Variants in PPEF1 observed in about 807,000 individuals in gnomAD.
PPEF1 encodes the protein serine/threonine-protein phosphatase with EF-hands 1.
Under a neutral mutation model 53.3 loss-of-function variants are expected in PPEF1, and 12 were observed. The ratio of observed to expected loss-of-function variants is 0.23; its 90% CI spans 0.14 to 0.36. The LOEUF (loss-of-function observed/expected upper bound fraction) is 0.36, where lower values mean the gene tolerates loss of function less well. Ranked by LOEUF, PPEF1 falls within the 10% of genes least tolerant of loss-of-function variation. The pLI is 1.00. For missense variants in PPEF1, 334 were observed against 490.4 expected (o/e 0.68, Z 3.01); for synonymous variants, 165 against 176.7 (o/e 0.93, Z 0.52).
At chrX:18,691,995 C>T (rs1929417997) in intron 4 of PPEF1, among the ~76,000 whole-genome samples, 2 of 111,965 alleles carry the variant, frequency 1.8e-5, no homozygotes, top group African/African-American at 6.5e-5. Flanking sequence ...TTTTCATTCT[C>T]TTTAATGTCT....
At chrX:18,795,558 A>G (rs1342730596) in intron 10 of PPEF1, among the ~76,000 whole-genome samples, 2 of 111,736 alleles carry the variant, frequency 1.8e-5, no homozygotes, top group Non-Finnish European at 3.8e-5. Context: ...CCTCTCATTC[A>G]TTCATCCATT....
chrX:18,706,400 A>G (rs780764538), upstream of PPEF1, among the ~76,000 whole-genome samples: 106 of 109,883 alleles, frequency 9.6e-4, 1 homozygote, highest in Admixed American at 7.6e-3. Context: ...ACTATAGAAC[A>G]CAAAGTTAGA....
At chrX:18,809,321 A>G (rs1052458951) in intron 12 of PPEF1, among the ~76,000 whole-genome samples, 9 of 110,436 alleles carry the variant, frequency 8.1e-5, no homozygotes, top group African/African-American at 2.6e-4. Context: ...TATAAACACT[A>G]TGTCAATAGT....
At chrX:18,777,532 T>C (rs2045992294) in intron 6 of PPEF1, among the ~76,000 whole-genome samples, 1 of 111,117 alleles carries the variant, frequency 9.0e-6, no homozygotes, top group Admixed American at 9.6e-5. Context: ...TTTTTTTTCC[T>C]CTTTTGAGAC....
intron 2 of PPEF1, among the ~76,000 whole-genome samples, chrX:18,730,613 A>G (rs1395908618): frequency 8.9e-6 from 1 of 112,046 alleles, no homozygotes; most frequent in Non-Finnish European, 1.9e-5. Flanking sequence ...TTGTCATTTT[A>G]TAAAAGAAAA....
At chrX:18,727,721 C>T (rs777207089) in intron 1 of PPEF1, among the ~76,000 whole-genome samples, 1 of 111,542 alleles carries the variant, frequency 9.0e-6, no homozygotes, top group African/African-American at 3.3e-5. Flanking sequence ...TCCAGAACTT[C>T]TGACTGACCA....
chrX:18,734,153 A>C (rs1185530264), intron 3 of PPEF1, among the ~76,000 whole-genome samples: 1 of 83,562 alleles, frequency 1.2e-5, no homozygotes, highest in Non-Finnish European at 2.5e-5. Flanking sequence ...ATTATACTTT[A>C]AGTTCTAGGG....
At chrX:18,675,802 G>A (rs1928649033), upstream of PPEF1, 1 of 111,562 alleles carries the variant, frequency 9.0e-6, no homozygotes, top group South Asian at 3.8e-4. Flanking sequence ...CTGTAGTCTG[G>A]GTAACGGGCT....
chrX:18,725,540 C>T (rs898326468), intron 1 of PPEF1, among the ~76,000 whole-genome samples: 1 of 111,703 alleles, frequency 9.0e-6, no homozygotes, highest in African/African-American at 3.3e-5. Context: ...TCCCTAGTCC[C>T]TCCCTCCAGC....
chrX:18,762,830 A>G (rs2045693150), intron 6 of PPEF1, among the ~76,000 whole-genome samples: 2 of 111,456 alleles, frequency 1.8e-5, no homozygotes, highest in African/African-American at 6.5e-5. Flanking sequence ...GGTTGGTGCA[A>G]AAGTAATTGC....
intron 1 of PPEF1, among the ~76,000 whole-genome samples, chrX:18,720,011 C>T (rs2044546277): frequency 9.0e-6 from 1 of 111,722 alleles, no homozygotes; most frequent in Non-Finnish European, 1.9e-5. Context: ...CAGATGAGCA[C>T]CACATGCCTT....
chrX:18,801,569 C>T (rs1410190798), intron 10 of PPEF1, among the ~76,000 whole-genome samples: 2 of 111,886 alleles, frequency 1.8e-5, no homozygotes, highest in Non-Finnish European at 3.8e-5. Context: ...TCAACTGGTC[C>T]AAATGCCTGA....
intron 3 of PPEF1, chrX:18,688,952 C>T (rs1322542423): frequency 9.0e-6 from 1 of 110,872 alleles, no homozygotes; most frequent in Non-Finnish European, 1.9e-5. Context: ...ACTGTGGAGA[C>T]CAAAGTTCTT....
At chrX:18,784,457 T>G (rs2046160068) in intron 9 of PPEF1, among the ~76,000 whole-genome samples, 1 of 110,752 alleles carries the variant, frequency 9.0e-6, no homozygotes, top group African/African-American at 3.3e-5. Context: ...TATATTCACA[T>G]TGTTGTGCAA....
At chrX:18,678,553 C>A (rs182896980), upstream of PPEF1, among the ~76,000 whole-genome samples, 1 of 112,278 alleles carries the variant, frequency 8.9e-6, no homozygotes, top group East Asian at 2.8e-4. Flanking sequence ...GTCTGGTGCT[C>A]TCTCCAGTTC....
chrX:18,723,839 G>A (rs1321096560), intron 1 of PPEF1, among the ~76,000 whole-genome samples: 1 of 109,612 alleles, frequency 9.1e-6, no homozygotes. Context: ...GAGTGCAGTG[G>A]CATGATCTTG....
At chrX:18,762,947 TG>T (rs1320037210) in intron 6 of PPEF1, among the ~76,000 whole-genome samples, 1 of 111,750 alleles carries the variant, frequency 8.9e-6, no homozygotes, top group Non-Finnish European at 1.9e-5. Context: ...ACAGATGAAC[TG>T]GGAAGGAAGA....
chrX:18,798,895 G>A (rs758200270), intron 10 of PPEF1, among the ~76,000 whole-genome samples: 10 of 110,792 alleles, frequency 9.0e-5, no homozygotes, highest in South Asian at 3.9e-4. Flanking sequence ...CAAAGTGCTG[G>A]AATTACAGGG....
At chrX:18,817,462 C>T (rs866461065) in intron 12 of PPEF1, among the ~76,000 whole-genome samples, 80 of 110,773 alleles carry the variant, frequency 7.2e-4, no homozygotes, top group African/African-American at 2.5e-3. Context: ...CTGCCTCAGC[C>T]TCCCAAGTAG....
Sources: gnomAD v4.1 joint callset for allele counts (sites outside exome capture counted in the v4.1 genomes callset) on GRCh38, gnomAD v4.1.1 for gene constraint, MANE v1.5 for transcripts, NCBI Gene and HGNC (gene_info 2026-07-23, HGNC 2026-07-21) for gene names.